NT5C1A: variants seen among roughly 807,000 people sequenced by gnomAD.
NT5C1A encodes 5'-nucleotidase, cytosolic IA, also known as cytosolic 5'-nucleotidase 1A.
In NT5C1A, 18 loss-of-function variants were observed where a neutral mutation model predicts 31.0. The observed-to-expected ratio is 0.58, with a 90% CI of 0.40 to 0.86. The LOEUF is 0.86. NT5C1A is among the 40% of genes least tolerant of loss of function. NT5C1A has a pLI of 0.00. For missense variants in NT5C1A, 470 were observed against 505.4 expected, an observed-to-expected ratio of 0.93 and a Z score of 0.67; for synonymous variants, 185 against 203.6, an observed-to-expected ratio of 0.91 and a Z score of 0.78.
In NT5C1A at chr1:39,665,619, T is replaced by C. The variant is rs745563477; in HGVS notation, c.335A>G (p.Glu112Gly). The C allele has an allele frequency of 5.6e-6, 9 of 1,613,038 alleles. No homozygotes were observed. The African/African-American group carries it at 9.3e-5, about 17-fold the overall frequency. The change falls in exon 3 of 6, where the codon GAG becomes GGG. Residue 112 changes from glutamate (E) to glycine (G), a missense_variant. Coordinates refer to ENST00000235628, the MANE Select transcript of NT5C1A (RefSeq NM_032526.3). ...ALEAVNRRLR[E>G]LYPDSEDVFD... ...GACGTCCTCACTATCAGGGTACAGC[T>C]CCCGCAGCCGCCTGTTCACGGCCTC... is the stretch of plus-strand genomic sequence containing the variant.
intron 3 of NT5C1A, among the ~76,000 whole-genome samples, chr1:39,664,055 G>T (rs1467740776): frequency 6.6e-6 from 1 of 152,126 alleles, no homozygotes; most frequent in African/African-American, 2.4e-5. Context: ...CTGCTCCCAA[G>T]AATTTGAAAT....
rs1257027767 is a variant in NT5C1A, at chr1:39,666,236, G to C, written c.136C>G (p.Pro46Ala). 1 of 1,613,286 alleles carries C rather than the reference G, an allele frequency of 6.2e-7. No individual in the cohort carries two copies. Among genetic ancestry groups the C allele is most frequent in the East Asian group, 2.2e-5 (1 of 44,882 alleles). ...ATGGTGACTGCATTCTGAGGCTTGG[G>C]CTGCAGAGGTATGGGAGAAGGGGTT... is the stretch of plus-strand genomic sequence containing the variant. ...NLAPKKKPKS[P>A]KPQNAVTIAV... The change falls in exon 2 of 6, where the codon CCC becomes GCC. Residue 46 changes from proline (P) to alanine (A), a missense_variant and splice_region_variant. By Grantham distance (27) the Pro-to-Ala change is conservative. Coordinates refer to ENST00000235628, the MANE Select transcript of NT5C1A (RefSeq NM_032526.3).
At chr1:39,667,910 G>C (rs550250646) in intron 1 of NT5C1A, among the ~76,000 whole-genome samples, 1 of 152,208 alleles carries the variant, frequency 6.6e-6, no homozygotes, top group Non-Finnish European at 1.5e-5. Flanking sequence ...ACAGCTATAC[G>C]TGGCTAGTGG....
chr1:39,661,014 A>G lies in NT5C1A; in HGVS notation c.741+65T>C, dbSNP rs117351731. On this transcript the variant is annotated intron_variant, in intron 5 of 5. Transcript: ENST00000235628. ...TTGTTTGCTTCCAGGCTGGGAGTGCAGGCCAAGGGCAGGTCTGGGGAGCTG... is the reference window on the plus strand; with the variant it reads ...TTGTTTGCTTCCAGGCTGGGAGTGCGGGCCAAGGGCAGGTCTGGGGAGCTG... 12,064 of 932,322 alleles carry G rather than the reference A, an allele frequency of 0.013. 635 individuals are homozygous for G. The East Asian group carries it at 0.13, about 10-fold the overall frequency. The allele number at this position is 932,322 out of a possible 1,614,324, so 57.8% of individuals were successfully genotyped here.
chr1:39,671,880 C>A, intron 1 of NT5C1A, 24 bp downstream of exon 1: 1 of 1,612,328 alleles, frequency 6.2e-7, no homozygotes, highest in Non-Finnish European at 8.5e-7. Flanking sequence ...CCCCGTCCCC[C>A]GCATACCCGT....
intron 1 of NT5C1A, among the ~76,000 whole-genome samples, chr1:39,667,350 C>T (rs1008890440): frequency 3.3e-5 from 5 of 151,956 alleles, no homozygotes; most frequent in African/African-American, 9.7e-5. Flanking sequence ...TATAGGTACC[C>T]GCCACCCCAG....
chr1:39,663,496 C>G, intron 3 of NT5C1A, 62 bp from the exon 4 acceptor site: 2 of 1,580,100 alleles, frequency 1.3e-6, no homozygotes, highest in Non-Finnish European at 1.7e-6. Flanking sequence ...AGGGCAGTCT[C>G]TCTGTGCCCA....
chr1:39,668,426 C>T (rs2124164143), intron 1 of NT5C1A, among the ~76,000 whole-genome samples: 1 of 152,330 alleles, frequency 6.6e-6, no homozygotes, highest in Middle Eastern at 3.4e-3. Flanking sequence ...GCTGAGCTAC[C>T]CAGACAGACC....
Position 39,653,444 on chromosome 1 carries a change from G to T in NT5C1A, c.*5677C>A, listed in dbSNP as rs191607296. ...ATTACACACACCCACATAAATACAC[G>T]TACGTGTACGATTTTTATCCTGTTG... On this transcript the variant is annotated 3_prime_UTR_variant, in exon 6 of 6. Transcript: ENST00000235628. Among the ~76,000 whole-genome samples the T allele has an allele frequency of 6.3e-4, 96 of 152,190 alleles. 1 individual carries two copies. The highest frequency in any genetic ancestry group is 8.8e-4 in the Non-Finnish European group (60 of 68,012).
chr1:39,670,463 A>T (rs784598), intron 1 of NT5C1A, among the ~76,000 whole-genome samples: 2,202 of 152,312 alleles, frequency 0.014, 65 homozygotes, highest in African/African-American at 0.05. Flanking sequence ...TCCACCTAAT[A>T]CATTAGAGTG....
Position 39,665,469 on chromosome 1 carries a change from G to T in NT5C1A, c.433+52C>A, listed in dbSNP as rs1028953132. 7 of 1,548,308 alleles carry T rather than the reference G, an allele frequency of 4.5e-6. No homozygotes were observed. The South Asian group carries it at 5.0e-5, about 11-fold the overall frequency. ...AGAGGTGTGGCCCCATCCCTGGGGG[G>T]TCTGGTAGGGGTGTCCCAGGGCAAA... On this transcript the variant is annotated intron_variant, in intron 3 of 5. Transcript: ENST00000235628.
intron 4 of NT5C1A, 31 bp downstream of exon 4, chr1:39,663,281 C>T (rs373667764): frequency 5.0e-5 from 81 of 1,613,764 alleles, no homozygotes; most frequent in Non-Finnish European, 6.5e-5. Flanking sequence ...TTGCTGCACT[C>T]CCCATATTCT....
chr1:39,660,829 G>C (rs951707673), intron 5 of NT5C1A, among the ~76,000 whole-genome samples: 20 of 152,126 alleles, frequency 1.3e-4, no homozygotes, highest in African/African-American at 4.8e-4. Context: ...GATGGGCTTA[G>C]AGAGAGGCTT....
At chr1:39,670,571 G>A (rs1646545558) in intron 1 of NT5C1A, among the ~76,000 whole-genome samples, 1 of 152,198 alleles carries the variant, frequency 6.6e-6, no homozygotes, top group South Asian at 2.1e-4. Flanking sequence ...CCTGAAACAT[G>A]GGGCTTGGGG....
At chr1:39,665,430 C>T in intron 3 of NT5C1A, 91 bp downstream of exon 3, 3 of 1,354,068 alleles carry the variant, frequency 2.2e-6, no homozygotes, top group Middle Eastern at 2.6e-4. Flanking sequence ...CTGGTCAGTA[C>T]AACTCCATCC....
intron 1 of NT5C1A, among the ~76,000 whole-genome samples, chr1:39,669,447 C>G (rs1403586274): frequency 6.6e-6 from 1 of 152,148 alleles, no homozygotes; most frequent in South Asian, 2.1e-4. Flanking sequence ...CTCCAACAGG[C>G]CTTCAGGCGT....
In NT5C1A at chr1:39,654,670, A is replaced by T. The variant is rs1187421102; in HGVS notation, c.*4451T>A. Among the ~76,000 whole-genome samples the T allele has an allele frequency of 6.6e-6, 1 of 152,230 alleles. No homozygotes were observed. The highest frequency in any genetic ancestry group is 2.4e-5 in the African/African-American group (1 of 41,462). ...CAAAACTTGGAATCTTCAGATGGGCATGGAGCCCCATGTCCCTTCCCTTTG... is the reference window on the plus strand; with the variant it reads ...CAAAACTTGGAATCTTCAGATGGGCTTGGAGCCCCATGTCCCTTCCCTTTG... On this transcript the variant is annotated 3_prime_UTR_variant, in exon 6 of 6. Transcript: ENST00000235628.
At chr1:39,665,283 G>A (rs144396128) in intron 3 of NT5C1A, among the ~76,000 whole-genome samples, 1 of 152,346 alleles carries the variant, frequency 6.6e-6, no homozygotes, top group East Asian at 1.9e-4. Flanking sequence ...TGAGCCATTT[G>A]TGTTGTTCAA....
chr1:39,658,769 G>A lies in NT5C1A; in HGVS notation c.*352C>T, dbSNP rs1290159944. ...GAAGCCAGATCCACTCTCTCCCATA[G>A]CAGTGTTGTTTACACCACATTGAGC... On this transcript the variant is annotated 3_prime_UTR_variant, in exon 6 of 6. Coordinates refer to ENST00000235628, the MANE Select transcript of NT5C1A (RefSeq NM_032526.3). Among the ~76,000 whole-genome samples, 1 of 152,138 alleles carries A rather than the reference G, an allele frequency of 6.6e-6. No individual in the cohort carries two copies. Among genetic ancestry groups the A allele is most frequent in the Admixed American group, 6.5e-5 (1 of 15,274 alleles).
Sources: allele counts gnomAD v4.1 joint callset (sites outside exome capture counted in the v4.1 genomes callset), GRCh38; gene constraint gnomAD v4.1.1; transcripts MANE v1.5; gene names NCBI Gene and HGNC (gene_info 2026-07-23, HGNC 2026-07-21).